The following PPP2R2B variants were observed in gnomAD, a reference collection of about 807,000 sequenced individuals.
PPP2R2B encodes serine/threonine-protein phosphatase 2A 55 kDa regulatory subunit B beta isoform.
Under a neutral mutation model 46.0 loss-of-function variants are expected in PPP2R2B, and 5 were observed. The ratio of observed to expected loss-of-function variants is 0.11; its 90% CI spans 0.06 to 0.23. The LOEUF (loss-of-function observed/expected upper bound fraction) is 0.23, where lower values mean the gene tolerates loss of function less well. PPP2R2B is among the 10% of genes least tolerant of loss of function. The pLI is 1.00. For synonymous variants in PPP2R2B, 215 were observed against 206.7 expected (o/e 1.04, Z -0.34); for missense variants, 367 against 575.0 (o/e 0.64, Z 3.70).
intron 2 of PPP2R2B, among the ~76,000 whole-genome samples, chr5:146,842,231 T>C (rs1184667907): frequency 6.6e-6 from 1 of 152,188 alleles, no homozygotes; most frequent in Non-Finnish European, 1.5e-5. Flanking sequence ...TCATGGGAAT[T>C]CATAGTCCAA....
At chr5:146,887,317 T>A (rs1332026849) in intron 1 of PPP2R2B, among the ~76,000 whole-genome samples, 1 of 152,266 alleles carries the variant, frequency 6.6e-6, no homozygotes, top group Non-Finnish European at 1.5e-5. Context: ...ACAATGGAAC[T>A]GTTTCAAAAT....
At chr5:146,590,298 T>TATGGCCAGC in intron 9 of PPP2R2B, 72 bp from the exon 10 acceptor site, 1 of 1,494,784 alleles carries the variant, frequency 6.7e-7, no homozygotes, top group South Asian at 1.2e-5. Context: ...GATACCATGT[T>TATGGCCAGC]ATGGCCAGCT....
chr5:146,676,009 T>C (rs1777686324), intron 5 of PPP2R2B, among the ~76,000 whole-genome samples: 1 of 151,932 alleles, frequency 6.6e-6, no homozygotes, highest in Admixed American at 6.6e-5. Flanking sequence ...ATTCAATCAC[T>C]CATGGGCGGA....
chr5:147,077,957 GACT>G (rs1199942310), intron 2 of PPP2R2B, among the ~76,000 whole-genome samples: 1 of 152,166 alleles, frequency 6.6e-6, no homozygotes, highest in African/African-American at 2.4e-5. Context: ...CCTCATTCTA[GACT>G]ACTAAGTCAG....
At chr5:146,609,731 C>G (rs28767768) in intron 7 of PPP2R2B, among the ~76,000 whole-genome samples, 2 of 143,446 alleles carry the variant, frequency 1.4e-5, no homozygotes, top group African/African-American at 5.4e-5. Flanking sequence ...AAAGGGGTGA[C>G]GGACGCACCT....
At chr5:146,977,035 A>T (rs1296531356) in intron 1 of PPP2R2B, among the ~76,000 whole-genome samples, 1 of 123,278 alleles carries the variant, frequency 8.1e-6, no homozygotes, top group Non-Finnish European at 1.9e-5. Flanking sequence ...CAGGCCAACA[A>T]ATCCCAAACA....
chr5:147,043,138 C>T (rs1459635128), intron 1 of PPP2R2B, among the ~76,000 whole-genome samples: 1 of 152,038 alleles, frequency 6.6e-6, no homozygotes, highest in Non-Finnish European at 1.5e-5. Context: ...TGCTGTAACT[C>T]CCTGTTCCTG....
At chr5:146,881,663 G>A (rs188584993), upstream of PPP2R2B, among the ~76,000 whole-genome samples, 2 of 152,196 alleles carry the variant, frequency 1.3e-5, no homozygotes, top group Admixed American at 6.5e-5. Flanking sequence ...CTACCTGACT[G>A]GGCCTTCCAA....
intron 5 of PPP2R2B, among the ~76,000 whole-genome samples, chr5:146,688,552 C>G (rs189752728): frequency 1.6e-3 from 238 of 152,022 alleles, no homozygotes; most frequent in African/African-American, 5.2e-3. Context: ...GGTTACACAG[C>G]TGGTTAGTAA....
intron 1 of PPP2R2B, among the ~76,000 whole-genome samples, chr5:147,051,331 G>A (rs1460857282): frequency 6.6e-6 from 1 of 152,282 alleles, no homozygotes; most frequent in East Asian, 1.9e-4. Flanking sequence ...ACTGTTGTGA[G>A]GAGTGAATGA....
chr5:147,023,606 G>A (rs778668915), intron 1 of PPP2R2B, among the ~76,000 whole-genome samples: 1 of 152,204 alleles, frequency 6.6e-6, no homozygotes, highest in South Asian at 2.1e-4. Flanking sequence ...GGCAGGCTAA[G>A]CTATATTGCC....
chr5:146,795,860 G>A (rs977527067), intron 2 of PPP2R2B, among the ~76,000 whole-genome samples: 3 of 152,100 alleles, frequency 2.0e-5, no homozygotes, highest in East Asian at 1.9e-4. Context: ...ATGGAATAAC[G>A]CACATAAAAT....
chr5:147,029,555 G>A (rs575272274), intron 1 of PPP2R2B, among the ~76,000 whole-genome samples: 84 of 152,102 alleles, frequency 5.5e-4, no homozygotes, highest in Middle Eastern at 6.8e-3. Context: ...CTTAATAGAT[G>A]GTGTTCTAGA....
chr5:146,780,823 C>A (rs2151282081), intron 2 of PPP2R2B, among the ~76,000 whole-genome samples: 1 of 152,094 alleles, frequency 6.6e-6, no homozygotes, highest in South Asian at 2.1e-4. Flanking sequence ...TATAGAAGTG[C>A]ATTGTTGGTA....
At chr5:146,861,212 C>G (rs188747957) in intron 2 of PPP2R2B, among the ~76,000 whole-genome samples, 2 of 151,920 alleles carry the variant, frequency 1.3e-5, no homozygotes, top group African/African-American at 2.4e-5. Flanking sequence ...CCCGCCACCA[C>G]GCCCGGCTAA....
chr5:146,966,601 C>G (rs1281122012), intron 1 of PPP2R2B, among the ~76,000 whole-genome samples: 1 of 152,150 alleles, frequency 6.6e-6, no homozygotes, highest in Non-Finnish European at 1.5e-5. Context: ...TACTTTCTTT[C>G]TGTTTCCCAT....
At chr5:146,875,263 G>A (rs1283318395) in intron 2 of PPP2R2B, among the ~76,000 whole-genome samples, 3 of 152,110 alleles carry the variant, frequency 2.0e-5, no homozygotes, top group Non-Finnish European at 4.4e-5. Context: ...CATAGAAGAT[G>A]CTCAAAGATG....
intron 2 of PPP2R2B, among the ~76,000 whole-genome samples, chr5:146,709,552 G>A (rs1417569174): frequency 6.6e-6 from 1 of 152,180 alleles, no homozygotes; most frequent in Non-Finnish European, 1.5e-5. Context: ...CAGAGATTCT[G>A]GGAAAGAGTT....
chr5:146,858,234 T>G (rs532053706), intron 2 of PPP2R2B, among the ~76,000 whole-genome samples: 1 of 152,256 alleles, frequency 6.6e-6, no homozygotes, highest in East Asian at 1.9e-4. Context: ...CAGAGTCTGT[T>G]TTCTTGACTA....
Sources: allele counts gnomAD v4.1 joint callset (sites outside exome capture counted in the v4.1 genomes callset), GRCh38; gene constraint gnomAD v4.1.1; transcripts MANE v1.5; gene names NCBI Gene and HGNC (gene_info 2026-07-23, HGNC 2026-07-21).